The following ZNF425 variants were observed in gnomAD, a reference collection of about 807,000 sequenced individuals.
ZNF425 encodes the protein zinc finger protein 425.
Under a neutral mutation model 17.0 loss-of-function variants are expected in ZNF425, and 21 were observed. The ratio of observed to expected loss-of-function variants is 1.23; its 90% confidence interval spans 0.88 to 1.78. ZNF425 has a LOEUF of 1.78. Ranked by LOEUF, ZNF425 falls within the 40% of genes most tolerant of loss-of-function variation. The pLI is 0.00. For synonymous variants in ZNF425, 433 were observed against 384.1 expected (o/e 1.13, Z -1.49); for missense variants, 868 against 967.3 (o/e 0.90, Z 1.36).
At chr7:149,123,728 C>T (rs576972247) in intron 1 of ZNF425, among the ~76,000 whole-genome samples, 9 of 151,582 alleles carry the variant, frequency 5.9e-5, no homozygotes, top group Non-Finnish European at 8.8e-5. Context: ...GACCGGGTTT[C>T]GCCATGTTGG....
chr7:149,121,916 TTTTC>T (rs775027764), intron 1 of ZNF425, among the ~76,000 whole-genome samples: 146 of 50,044 alleles, frequency 2.9e-3, no homozygotes, highest in Non-Finnish European at 4.5e-3. Flanking sequence ...ATTTTGCCCG[TTTTC>T]TTTGTTTTTT....
In ZNF425 at chr7:149,105,454, T is replaced by C. The variant is rs759229624; in HGVS notation, c.417A>G (p.Gln139=). The C allele has an allele frequency of 9.8e-6, 15 of 1,535,656 alleles. No homozygotes were observed. In the South Asian group the frequency reaches 1.8e-4, roughly 19 times the overall value. ...RGKERKILLA[Q]TATFQSPSLR... ...GACTTGGAGACTGGAAGGTGGCTGT[T>C]TGAGCTAATAAAATCTTTCTCTCTT... is the stretch of plus-strand genomic sequence containing the variant. The change falls in exon 4 of 4, where the codon CAA becomes CAG. Residue 139 remains glutamine, a synonymous_variant. Transcript: ENST00000378061.
intron 3 of ZNF425, among the ~76,000 whole-genome samples, chr7:149,111,619 A>AAAAAAAAAAAT (rs1563146538): frequency 1.3e-4 from 19 of 145,670 alleles, no homozygotes; most frequent in African/African-American, 4.8e-4. Flanking sequence ...AAAAAAAAAA[A>AAAAAAAAAAAT]AATTATATAT....
Position 149,112,299 on chromosome 7 carries a change from C to A in ZNF425, c.146-4G>T. The stretch of plus-strand genomic sequence containing the variant: ...TCTGGCTTGGAAAAAGCATACCCTG[C>A]AAATAGAGTCCACACAGACTTTGAG... On this transcript the variant is annotated splice_region_variant and splice_polypyrimidine_tract_variant and intron_variant, in intron 2 of 3. Coordinates refer to ENST00000378061, the MANE Select transcript of ZNF425 (RefSeq NM_001001661.3). 2 of 1,611,968 alleles carry A rather than the reference C, an allele frequency of 1.2e-6. No homozygotes were observed. Among genetic ancestry groups the A allele is most frequent in the Non-Finnish European group, 8.5e-7 (1 of 1,178,992 alleles).
chr7:149,107,150 TA>T (rs1826093661), intron 3 of ZNF425, among the ~76,000 whole-genome samples: 1 of 151,248 alleles, frequency 6.6e-6, no homozygotes, highest in Admixed American at 6.6e-5. Flanking sequence ...CTTAGGGCCA[TA>T]TTCTTGTCTC....
chr7:149,103,519 T>A lies in ZNF425; in HGVS notation c.*93A>T. 1 of 1,461,706 alleles carries A rather than the reference T, an allele frequency of 6.8e-7. No homozygotes were observed. The highest frequency in any genetic ancestry group is 9.1e-7 in the Non-Finnish European group (1 of 1,103,328). 90.5% of individuals were successfully genotyped at this position (1,461,706 alleles called of 1,614,324 possible). ...AGGCGGGAGCCACTGTGCCCGATCT[T>A]ACCCTGTGAATCCTTCAACCTGCCT... On this transcript the variant is annotated 3_prime_UTR_variant, in exon 4 of 4. Transcript: ENST00000378061.
In ZNF425 at chr7:149,118,120, G is replaced by T. The variant is rs1585489518; in HGVS notation, c.145+102C>A. On this transcript the variant is annotated intron_variant, in intron 2 of 3. Coordinates refer to ENST00000378061, the MANE Select transcript of ZNF425 (RefSeq NM_001001661.3). The stretch of plus-strand genomic sequence containing the variant: ...GAGGAGACATTATGAATGTAAACTG[G>T]GCACAGTATCATATTCAACCAGCCC... The T allele has an allele frequency of 2.2e-5, 29 of 1,310,584 alleles. No individual in the cohort carries two copies. In the East Asian group the frequency reaches 6.7e-4, roughly 30 times the overall value. 81.2% of individuals were successfully genotyped at this position (1,310,584 alleles called of 1,614,324 possible).
chr7:149,110,796 C>CTT (rs71192754), intron 3 of ZNF425, among the ~76,000 whole-genome samples: 2,078 of 133,182 alleles, frequency 0.016, 63 homozygotes, highest in African/African-American at 0.05. Context: ...ATCCCTTGTT[C>CTT]TTTTTTTTTT....
Position 149,104,443 on chromosome 7 carries a change from G to A in ZNF425, c.1428C>T (p.Gly476=). The A allele has an allele frequency of 6.2e-7, 1 of 1,601,218 alleles. No homozygotes were observed. The highest frequency in any genetic ancestry group is 8.5e-7 in the Non-Finnish European group (1 of 1,174,494). The part of the protein sequence containing the change: ...EQKPFPCAEC[G]KRFTRPSKLA... Reference sequence around the variant, plus strand: ...GCTTGGAAGGCCGCGTGAAGCGCTTGCCGCACTCGGCGCAGGGGAAGGGCT... The same window carrying A: ...GCTTGGAAGGCCGCGTGAAGCGCTTACCGCACTCGGCGCAGGGGAAGGGCT... Residue 476 remains glycine (G), a synonymous_variant, in exon 4 of 4, where the codon GGC becomes GGT. Coordinates refer to ENST00000378061, the MANE Select transcript of ZNF425 (RefSeq NM_001001661.3). The surrounding 1 kb of genome is among the most constrained non-coding windows in gnomAD (Gnocchi z 4.3).
Position 149,103,535 on chromosome 7 carries a change from C to T in ZNF425, c.*77G>A, listed in dbSNP as rs1826011561. On this transcript the variant is annotated 3_prime_UTR_variant, in exon 4 of 4. Coordinates refer to ENST00000378061, the MANE Select transcript of ZNF425 (RefSeq NM_001001661.3). ...GCCCGATCTTACCCTGTGAATCCTTCAACCTGCCTCAACTTGAGCCAACAG... is the reference window on the plus strand; with the variant it reads ...GCCCGATCTTACCCTGTGAATCCTTTAACCTGCCTCAACTTGAGCCAACAG... The T allele has an allele frequency of 2.7e-6, 4 of 1,500,936 alleles. No homozygotes were observed. The highest frequency in any genetic ancestry group is 2.7e-6 in the Non-Finnish European group (3 of 1,130,014). The allele number at this position is 1,500,936 out of a possible 1,614,324, so 93.0% of individuals were successfully genotyped here. A position where few individuals can be genotyped will look rare whatever the true frequency, so the allele number is the denominator to read the frequency against.
Position 149,103,401 on chromosome 7 carries a change from A to T in ZNF425, c.*211T>A. The T allele has an allele frequency of 7.1e-6, 4 of 564,910 alleles. No homozygotes were observed. Among genetic ancestry groups the T allele is most frequent in the Non-Finnish European group, 1.2e-5 (4 of 334,494 alleles). The allele number at this position is 564,910 out of a possible 1,614,324, so 35.0% of individuals were successfully genotyped here. ...CCTGGCTGACTTTTATATTTTTTGT[A>T]GAGATGGAGTCTTGCAATGTTGCCT... On this transcript the variant is annotated 3_prime_UTR_variant, in exon 4 of 4. Coordinates refer to ENST00000378061, the MANE Select transcript of ZNF425 (RefSeq NM_001001661.3).
intron 1 of ZNF425, 86 bp downstream of exon 1, chr7:149,126,110 C>T (rs771229464): frequency 6.2e-7 from 1 of 1,601,644 alleles, no homozygotes; most frequent in Admixed American, 1.7e-5. Context: ...CCCCGGCCGC[C>T]CCACTCCCTG....
intron 1 of ZNF425, among the ~76,000 whole-genome samples, chr7:149,124,470 A>G (rs1826418149): frequency 6.6e-6 from 1 of 151,912 alleles, no homozygotes; most frequent in Non-Finnish European, 1.5e-5. Context: ...TGTTATTTTT[A>G]CAATGTGATT....
intron 1 of ZNF425, among the ~76,000 whole-genome samples, chr7:149,121,394 C>CT (rs1175959560): frequency 0.015 from 82 of 5,324 alleles, 22 homozygotes; most frequent in Admixed American, 0.032. Flanking sequence ...CGCGCCCGGC[C>CT]TTTTTTTTTT....
chr7:149,124,190 C>T (rs1474176689), intron 1 of ZNF425, among the ~76,000 whole-genome samples: 1 of 151,090 alleles, frequency 6.6e-6, no homozygotes, highest in Non-Finnish European at 1.5e-5. Context: ...GGAGTCCCCT[C>T]TGTCGCCCAG....
In ZNF425 at chr7:149,103,697, T is replaced by C. The variant is rs763892237; in HGVS notation, c.2174A>G (p.Asp725Gly). 3 of 1,614,098 alleles carry C rather than the reference T, an allele frequency of 1.9e-6. No individual in the cohort carries two copies. The East Asian group carries it at 6.7e-5, about 36-fold the overall frequency. Residue 725 changes from aspartate to glycine, a missense_variant, in exon 4 of 4, where the codon GAT becomes GGT. By Grantham distance (94) the Asp-to-Gly change is moderately conservative. Transcript: ENST00000378061. The stretch of plus-strand genomic sequence containing the variant: ...GTACGTGAAGCTCCTTCCACACTCA[T>C]CACAAGAAAAAGGCCTCTCCCCACT... Reference protein sequence around the residue: ...LHSGERPFSCDECGRSFTYVG... With the variant: ...LHSGERPFSCGECGRSFTYVG...
At chr7:149,121,779 T>C (rs897977755) in intron 1 of ZNF425, among the ~76,000 whole-genome samples, 9 of 152,216 alleles carry the variant, frequency 5.9e-5, no homozygotes, top group Non-Finnish European at 1.3e-4. Context: ...TTAACTGTTC[T>C]GATAGGTGTA....
Position 149,125,269 on chromosome 7 carries a change from A to T in ZNF425, c.18+927T>A, listed in dbSNP as rs555155491. Among the ~76,000 whole-genome samples, 4 of 152,332 alleles carry T rather than the reference A, an allele frequency of 2.6e-5. No individual in the cohort carries two copies. The South Asian group carries it at 8.3e-4, about 32-fold the overall frequency. The stretch of plus-strand genomic sequence containing the variant: ...ACAAGAAAAACTTGCACACTTAAGC[A>T]AGTTATACTTAACTGAATGTAACAG... On this transcript the variant is annotated intron_variant, in intron 1 of 3. Transcript: ENST00000378061.
At chr7:149,118,093 G>T in intron 2 of ZNF425, 129 bp downstream of exon 2, 1 of 977,940 alleles carries the variant, frequency 1.0e-6, no homozygotes, top group East Asian at 2.4e-5. Flanking sequence ...TTATAGGAAA[G>T]GGAGGAGACA....
Sources: gnomAD v4.1 joint callset for allele counts (sites outside exome capture counted in the v4.1 genomes callset) on GRCh38, gnomAD v4.1.1 for gene constraint, Gnocchi (gnomAD v3.1) non-coding constraint, MANE v1.5 for transcripts, NCBI Gene and HGNC (gene_info 2026-07-23, HGNC 2026-07-21) for gene names.